RARB: variants seen among roughly 807,000 people sequenced by gnomAD.
RARB encodes HBV-activated protein.
Under a neutral mutation model 51.9 loss-of-function variants are expected in RARB, and 17 were observed. The observed-to-expected ratio is 0.33, with a 90% CI of 0.22 to 0.49. RARB has a LOEUF of 0.49. RARB is among the 20% of genes least tolerant of loss of function. The pLI is 0.99. For synonymous variants in RARB, 215 were observed against 195.4 expected (o/e 1.10, Z -0.84); for missense variants, 369 against 550.8 (o/e 0.67, Z 3.30).
intron 3 of RARB, among the ~76,000 whole-genome samples, chr3:25,114,097 G>C (rs1449543932): frequency 2.0e-5 from 3 of 152,186 alleles, no homozygotes; most frequent in African/African-American, 4.8e-5. Flanking sequence ...AATGCAACTT[G>C]CATCATCCTC....
chr3:25,572,159 T>C (rs531031306), intron 4 of RARB, among the ~76,000 whole-genome samples: 1 of 152,090 alleles, frequency 6.6e-6, no homozygotes, highest in Non-Finnish European at 1.5e-5. Flanking sequence ...ACAGGTGCTG[T>C]GCAATGGTGG....
intron 2 of RARB, among the ~76,000 whole-genome samples, chr3:24,944,777 A>G (rs1402164043): frequency 2.6e-5 from 4 of 152,248 alleles, no homozygotes; most frequent in African/African-American, 7.2e-5. Context: ...AACCATCTGG[A>G]TGACCATATT....
chr3:25,273,493 T>C (rs899430664), intron 5 of RARB, among the ~76,000 whole-genome samples: 1 of 152,192 alleles, frequency 6.6e-6, no homozygotes, highest in Non-Finnish European at 1.5e-5. Flanking sequence ...GGCTGCCTAA[T>C]ATGTCTCCAA....
At chr3:25,362,940 C>T (rs1310388529) in intron 5 of RARB, among the ~76,000 whole-genome samples, 2 of 151,994 alleles carry the variant, frequency 1.3e-5, no homozygotes, top group Non-Finnish European at 2.9e-5. Context: ...AGGAACAGAG[C>T]TTAGATTTTA....
chr3:25,196,817 GC>G (rs1701251667), intron 5 of RARB, among the ~76,000 whole-genome samples: 1 of 152,024 alleles, frequency 6.6e-6, no homozygotes. Context: ...TGTCTGATGA[GC>G]AGTGATAATG....
At chr3:24,964,680 C>G (rs545397497) in intron 2 of RARB, among the ~76,000 whole-genome samples, 18 of 152,078 alleles carry the variant, frequency 1.2e-4, no homozygotes, top group Non-Finnish European at 1.5e-5. Flanking sequence ...TTGGGAGTAA[C>G]GAACCATTGA....
At chr3:25,102,581 G>C (rs1699425018) in intron 3 of RARB, among the ~76,000 whole-genome samples, 1 of 151,290 alleles carries the variant, frequency 6.6e-6, no homozygotes, top group Admixed American at 6.6e-5. Context: ...AAATACACAT[G>C]TTCAAAATAT....
At chr3:24,937,294 G>C (rs1429517820) in intron 2 of RARB, among the ~76,000 whole-genome samples, 1 of 152,136 alleles carries the variant, frequency 6.6e-6, no homozygotes, top group African/African-American at 2.4e-5. Flanking sequence ...ATGTATGTTA[G>C]AGAATTCGCT....
At chr3:25,445,988 C>A (rs1708913609) in intron 1 of RARB, among the ~76,000 whole-genome samples, 1 of 152,220 alleles carries the variant, frequency 6.6e-6, no homozygotes. Context: ...CCCATATTCT[C>A]CCTGGCTCTA....
chr3:25,058,141 A>C (rs1315515254), intron 2 of RARB, among the ~76,000 whole-genome samples: 1 of 151,946 alleles, frequency 6.6e-6, no homozygotes, highest in Non-Finnish European at 1.5e-5. Context: ...TTGGAGTTCA[A>C]AGTTGTGATT....
intron 1 of RARB, among the ~76,000 whole-genome samples, chr3:25,443,052 C>T (rs1708768627): frequency 6.6e-6 from 1 of 152,158 alleles, no homozygotes; most frequent in Non-Finnish European, 1.5e-5. Flanking sequence ...GTGCCTCCTC[C>T]TGCTTACGTG....
chr3:25,446,396 G>T (rs1708931413), intron 1 of RARB, among the ~76,000 whole-genome samples: 1 of 152,244 alleles, frequency 6.6e-6, no homozygotes, highest in African/African-American at 2.4e-5. Flanking sequence ...GTCTGTGACT[G>T]CCTTCCCCCA....
At chr3:25,388,044 G>A (rs1410488885) in intron 5 of RARB, among the ~76,000 whole-genome samples, 1 of 93,796 alleles carries the variant, frequency 1.1e-5, no homozygotes, top group Non-Finnish European at 2.5e-5. Flanking sequence ...AAGGCTAGGT[G>A]GAAGTTAAAG....
intron 5 of RARB, among the ~76,000 whole-genome samples, chr3:25,364,918 T>G (rs1362875490): frequency 2.6e-5 from 4 of 152,180 alleles, no homozygotes; most frequent in African/African-American, 9.7e-5. Context: ...CATCTTAGTT[T>G]ATTAACTTCC....
rs1186210931 is a variant in RARB, at chr3:25,247,172, C to T, written c.178+72597C>T. ...TCAGTAATGGCAGATGCCCTTCCCC[C>T]ACCAAGCTTGAGCATCCCAGGTCGA... On this transcript the variant is annotated intron_variant, in intron 5 of 11. Transcript: ENST00000383772. 2.0e-5 allele frequency among the ~76,000 whole-genome samples: 3 copies of T among 152,218 alleles called. No homozygotes were observed. In the South Asian group the frequency reaches 6.2e-4, roughly 32 times the overall value.
At chr3:25,435,944 C>T (rs569215266) in intron 1 of RARB, among the ~76,000 whole-genome samples, 6 of 152,134 alleles carry the variant, frequency 3.9e-5, no homozygotes, top group South Asian at 2.1e-4. Flanking sequence ...AAAAAAATCA[C>T]GATTAATGCC....
chr3:24,969,904 T>C (rs998348505), intron 2 of RARB, among the ~76,000 whole-genome samples: 11 of 152,108 alleles, frequency 7.2e-5, no homozygotes, highest in Non-Finnish European at 1.6e-4. Flanking sequence ...AAGAGCTCTA[T>C]CTACTACAAA....
At chr3:25,439,780 A>G (rs1192014994) in intron 1 of RARB, among the ~76,000 whole-genome samples, 1 of 152,186 alleles carries the variant, frequency 6.6e-6, no homozygotes, top group African/African-American at 2.4e-5. Flanking sequence ...TTGAAATCTA[A>G]TTGTTGCTGA....
chr3:25,349,939 T>G (rs1456511846), intron 5 of RARB, among the ~76,000 whole-genome samples: 2 of 152,060 alleles, frequency 1.3e-5, no homozygotes, highest in Non-Finnish European at 2.9e-5. Flanking sequence ...TCACTTTGAT[T>G]GACAAGTTGG....
Sources: gnomAD v4.1 joint callset for allele counts (sites outside exome capture counted in the v4.1 genomes callset) on GRCh38, gnomAD v4.1.1 for gene constraint, MANE v1.5 for transcripts, NCBI Gene and HGNC (gene_info 2026-07-23, HGNC 2026-07-21) for gene names.